SPOCK1: variants seen among roughly 807,000 people sequenced by gnomAD.
SPOCK1 encodes SPARC (osteonectin), cwcv and kazal like domains proteoglycan 1, also known as testican-1.
SPOCK1 carries 23 observed loss-of-function variants against 55.3 expected under a neutral mutation model. The observed-to-expected ratio is 0.42, with a 90% CI of 0.30 to 0.59. The LOEUF (loss-of-function observed/expected upper bound fraction) is 0.59, where lower values mean the gene tolerates loss of function less well. Among genes scored for constraint, SPOCK1 ranks in the 20% least tolerant of loss-of-function variants. The probability of loss-of-function intolerance (pLI) is 0.22; values close to 1 mark genes in which losing one functional copy is unlikely to be tolerated. For missense variants in SPOCK1, 499 were observed against 552.5 expected (o/e 0.90, Z 0.97); for synonymous variants, 226 against 221.0 (o/e 1.02, Z -0.20).
intron 3 of SPOCK1, among the ~76,000 whole-genome samples, chr5:137,198,334 T>A (rs1755344261): frequency 6.6e-6 from 1 of 152,250 alleles, no homozygotes; most frequent in African/African-American, 2.4e-5. Context: ...AATTACTGTT[T>A]AACAAAACAT....
At chr5:137,099,563 A>T (rs80242933) in intron 5 of SPOCK1, among the ~76,000 whole-genome samples, 2,077 of 123,372 alleles carry the variant, frequency 0.017, 19 homozygotes, top group African/African-American at 0.018. Flanking sequence ...GATTTAAAAA[A>T]ATATATATGT....
chr5:137,284,632 C>A (rs989944626), intron 2 of SPOCK1, among the ~76,000 whole-genome samples: 1 of 152,164 alleles, frequency 6.6e-6, no homozygotes, highest in African/African-American at 2.4e-5. Flanking sequence ...GGCAGAGTGA[C>A]CTCATGAAAG....
At position 137,257,365 on chromosome 5, in the gene SPOCK1, T is replaced by C. The variant is rs186067010; in HGVS notation, c.232+9645A>G. On this transcript the variant is annotated intron_variant, in intron 3 of 10. Coordinates refer to ENST00000394945, the MANE Select transcript of SPOCK1 (RefSeq NM_004598.4). ...TAGAGGTAGGGCCTTTGGGTGGTGA[T>C]TAGGTCATGAGGGTGAACCCTCTTG... Among the ~76,000 whole-genome samples the C allele has an allele frequency of 2.6e-4, 40 of 152,288 alleles. 1 individual carries two copies. The highest frequency in any genetic ancestry group is 4.0e-4 in the Non-Finnish European group (27 of 68,022).
intron 3 of SPOCK1, among the ~76,000 whole-genome samples, chr5:137,223,363 G>T (rs1161333135): frequency 6.6e-6 from 1 of 151,950 alleles, no homozygotes; most frequent in Non-Finnish European, 1.5e-5. Context: ...AGCTATGGGG[G>T]ATTGTCTGTT....
chr5:137,404,976 T>C (rs1248057460), intron 2 of SPOCK1, among the ~76,000 whole-genome samples: 1 of 152,206 alleles, frequency 6.6e-6, no homozygotes, highest in Non-Finnish European at 1.5e-5. Context: ...CAAACATTCA[T>C]ACCAGGAGCC....
At chr5:137,175,714 A>G (rs991975282) in intron 3 of SPOCK1, among the ~76,000 whole-genome samples, 1 of 152,208 alleles carries the variant, frequency 6.6e-6, no homozygotes, top group Non-Finnish European at 1.5e-5. Flanking sequence ...TCAAATAACA[A>G]AGCAACCAAT....
intron 3 of SPOCK1, among the ~76,000 whole-genome samples, chr5:137,255,560 CA>C (rs139639010): frequency 6.6e-6 from 1 of 151,658 alleles, no homozygotes; most frequent in Non-Finnish European, 1.5e-5. Flanking sequence ...AAGACAAAAA[CA>C]AAAAAAGACA....
At chr5:137,339,673 A>G (rs1750372142) in intron 2 of SPOCK1, among the ~76,000 whole-genome samples, 1 of 151,968 alleles carries the variant, frequency 6.6e-6, no homozygotes, top group Non-Finnish European at 1.5e-5. Context: ...ATTACACTGG[A>G]AGAGTCCAGA....
At position 137,037,333 on chromosome 5, in the gene SPOCK1, A is replaced by G. The variant is rs1455560287; in HGVS notation, c.589+30382T>C. Among the ~76,000 whole-genome samples, 4 of 150,766 alleles carry G rather than the reference A, an allele frequency of 2.7e-5. No individual in the cohort carries two copies. The East Asian group carries it at 5.9e-4, about 22-fold the overall frequency. On this transcript the variant is annotated intron_variant, in intron 6 of 10. Transcript: ENST00000394945. ...AGCCCTCATCCCCTGTGCCTAGCCTATGATGGACAGAACACATGTGTACCA... is the reference window on the plus strand; with the variant it reads ...AGCCCTCATCCCCTGTGCCTAGCCTGTGATGGACAGAACACATGTGTACCA...
intron 2 of SPOCK1, among the ~76,000 whole-genome samples, chr5:137,308,296 C>T (rs1394142327): frequency 6.6e-6 from 1 of 152,230 alleles, no homozygotes; most frequent in Admixed American, 6.5e-5. Context: ...TATTTGATCT[C>T]AGAACAATTC....
At chr5:137,226,363 T>C (rs913071586) in intron 3 of SPOCK1, among the ~76,000 whole-genome samples, 5 of 152,264 alleles carry the variant, frequency 3.3e-5, no homozygotes, top group African/African-American at 1.2e-4. Flanking sequence ...ACACCCACGT[T>C]GTGGCTTGAT....
intron 2 of SPOCK1, among the ~76,000 whole-genome samples, chr5:137,460,700 T>C (rs1041556649): frequency 2.6e-5 from 4 of 152,180 alleles, no homozygotes; most frequent in African/African-American, 7.2e-5. Flanking sequence ...ATCTCTAACA[T>C]CAAATAGAAT....
At chr5:137,416,417 T>C (rs190653690) in intron 2 of SPOCK1, among the ~76,000 whole-genome samples, 62 of 152,214 alleles carry the variant, frequency 4.1e-4, no homozygotes, top group African/African-American at 1.5e-3. Flanking sequence ...TCAACATTAG[T>C]TATATATATT....
At chr5:137,231,780 G>T (rs906400540) in intron 3 of SPOCK1, among the ~76,000 whole-genome samples, 40 of 152,278 alleles carry the variant, frequency 2.6e-4, no homozygotes, top group African/African-American at 8.9e-4. Flanking sequence ...TGCCCTGTAT[G>T]GTACTAGCAT....
At chr5:137,043,922 G>C (rs1447036961) in intron 6 of SPOCK1, among the ~76,000 whole-genome samples, 3 of 152,194 alleles carry the variant, frequency 2.0e-5, no homozygotes, top group Non-Finnish European at 1.5e-5. Flanking sequence ...ATTGATATTT[G>C]TTAATTGTGA....
chr5:137,263,385 C>T (rs1240994059), intron 3 of SPOCK1, among the ~76,000 whole-genome samples: 1 of 152,156 alleles, frequency 6.6e-6, no homozygotes, highest in Non-Finnish European at 1.5e-5. Context: ...GCACTAACCT[C>T]ATATGCGCTC....
intron 4 of SPOCK1, among the ~76,000 whole-genome samples, chr5:137,126,781 A>C (rs1753789158): frequency 1.0e-5 from 1 of 95,902 alleles, no homozygotes; most frequent in Admixed American, 1.1e-4. Context: ...AGGAAAGGCC[A>C]CTTTTGTTAG....
At chr5:137,334,676 T>C (rs1340884531) in intron 2 of SPOCK1, among the ~76,000 whole-genome samples, 1 of 152,132 alleles carries the variant, frequency 6.6e-6, no homozygotes, top group African/African-American at 2.4e-5. Flanking sequence ...TAAGATGAGG[T>C]CCCCTGTTGA....
intron 6 of SPOCK1, among the ~76,000 whole-genome samples, chr5:137,016,965 C>T (rs769070270): frequency 2.0e-5 from 3 of 152,232 alleles, no homozygotes; most frequent in Admixed American, 6.5e-5. Context: ...TGCTCAAGCA[C>T]ATGTGGAGGC....
Sources: allele counts gnomAD v4.1 joint callset (sites outside exome capture counted in the v4.1 genomes callset), GRCh38; gene constraint gnomAD v4.1.1; transcripts MANE v1.5; gene names NCBI Gene and HGNC (gene_info 2026-07-23, HGNC 2026-07-21).